The following PTPN5 variants were observed in gnomAD, a reference collection of about 807,000 sequenced individuals.
PTPN5 encodes tyrosine-protein phosphatase non-receptor type 5.
A neutral mutation model predicts 73.9 loss-of-function variants in PTPN5; 29 were observed. The observed-to-expected ratio is 0.39, with a 90% CI of 0.29 to 0.54. The LOEUF (loss-of-function observed/expected upper bound fraction) is 0.54. Ranked by LOEUF, PTPN5 falls within the 20% of genes least tolerant of loss-of-function variation. The probability of loss-of-function intolerance (pLI) is 0.65; values close to 1 mark genes in which losing one functional copy is unlikely to be tolerated. For synonymous variants in PTPN5, 267 were observed against 304.7 expected (o/e 0.88, Z 1.29); for missense variants, 652 against 751.4 (o/e 0.87, Z 1.55).
chr11:18,780,473 C>T lies in PTPN5; in HGVS notation c.-113-8402G>A, dbSNP rs147017689. ...CCAGCTTCTCATCAGGGCCCCTGCC[C>T]CCCGCCTAATTTAACCCTTCTGCAC... On this transcript the variant is annotated intron_variant, in intron 1 of 14. Transcript: ENST00000358540. 6.7e-3 allele frequency among the ~76,000 whole-genome samples: 1,020 copies of T among 152,240 alleles called. 9 individuals carry two copies. The highest frequency in any genetic ancestry group is 0.014 in the Middle Eastern group (4 of 294).
intron 3 of PTPN5, among the ~76,000 whole-genome samples, chr11:18,756,259 T>C (rs986143399): frequency 1.3e-5 from 2 of 151,612 alleles, no homozygotes; most frequent in Non-Finnish European, 2.9e-5. Flanking sequence ...GTTCCCTCTT[T>C]GCTGATAACT....
At chr11:18,741,650 A>G (rs901257299) in intron 7 of PTPN5, among the ~76,000 whole-genome samples, 8 of 152,098 alleles carry the variant, frequency 5.3e-5, no homozygotes, top group Non-Finnish European at 1.0e-4. Flanking sequence ...CTACCCTATA[A>G]AAACAGGTTC....
chr11:18,778,765 A>C (rs528014183), intron 1 of PTPN5, among the ~76,000 whole-genome samples: 2 of 152,224 alleles, frequency 1.3e-5, no homozygotes, highest in East Asian at 3.9e-4. Context: ...TTCTTTATAA[A>C]TTACTCAGTC....
intron 1 of PTPN5, among the ~76,000 whole-genome samples, chr11:18,784,863 T>C (rs1851598135): frequency 6.6e-6 from 1 of 151,768 alleles, no homozygotes; most frequent in Non-Finnish European, 1.5e-5. Flanking sequence ...TTTTTCTTTT[T>C]TTCTTTTTGA....
At chr11:18,749,494 G>GGGGGGGGGGGGTGGGGGC (rs756336602) in intron 3 of PTPN5, 119 of 511,580 alleles carry the variant, frequency 2.3e-4, no homozygotes, top group African/African-American at 2.8e-4. Context: ...AGGGTGGGGG[G>GGGGGGGGGGGGTGGGGGC]CAGAACCTTG....
chr11:18,786,140 C>T (rs924788269), intron 1 of PTPN5, among the ~76,000 whole-genome samples: 1 of 152,036 alleles, frequency 6.6e-6, no homozygotes, highest in African/African-American at 2.4e-5. Context: ...CCATGATGCT[C>T]GTTCCACATC....
chr11:18,761,819 G>A lies in PTPN5; in HGVS notation c.97+3988C>T, dbSNP rs537570107. On this transcript the variant is annotated intron_variant, in intron 3 of 14. Coordinates refer to ENST00000358540, the MANE Select transcript of PTPN5 (RefSeq NM_006906.2). ...CCAGGAAGCATGCAGAGTGGAAGCC[G>A]CGGGATGGAGGGATGGAGCTGAGAG... Among the ~76,000 whole-genome samples the A allele has an allele frequency of 2.0e-4, 30 of 152,308 alleles. 1 individual carries two copies. The highest frequency in any genetic ancestry group is 6.3e-4 in the African/African-American group (26 of 41,554).
At chr11:18,755,816 C>T (rs889905049) in intron 3 of PTPN5, among the ~76,000 whole-genome samples, 4 of 151,798 alleles carry the variant, frequency 2.6e-5, no homozygotes, top group Admixed American at 1.3e-4. Flanking sequence ...CCAGCCTGGC[C>T]AACATGGTGA....
intron 3 of PTPN5, among the ~76,000 whole-genome samples, chr11:18,745,435 G>A (rs886710995): frequency 6.6e-6 from 1 of 152,124 alleles, no homozygotes; most frequent in Non-Finnish European, 1.5e-5. Flanking sequence ...TTCCCAGCCG[G>A]GCCCATTTCA....
intron 3 of PTPN5, among the ~76,000 whole-genome samples, chr11:18,761,072 A>G (rs540544539): frequency 6.6e-6 from 1 of 152,282 alleles, no homozygotes; most frequent in Admixed American, 6.5e-5. Flanking sequence ...GCCTGCCCAC[A>G]TGCATGCACG....
rs200933411 is a variant in PTPN5, at chr11:18,744,131, T to C, written c.166A>G (p.Met56Val). 1.9e-6 allele frequency: 3 copies of C among 1,609,072 alleles called. No homozygotes were observed. Among genetic ancestry groups the C allele is most frequent in the Admixed American group, 3.4e-5 (2 of 59,134 alleles). Reference protein sequence around the residue: ...AEGLQDSQREMPPPPPPSPPS... With the variant: ...AEGLQDSQREVPPPPPPSPPS... ...GGCGAGGGAGGAGGGGGTGGCGGCA[T>C]CTCTCTCTGTGAGTCCTGGAGCCCT... The change falls in exon 4 of 15, where the codon ATG (methionine) becomes GTG (valine). Residue 56 changes from methionine to valine, a missense_variant. By Grantham distance (21) the Met-to-Val change is conservative. This residue lies in a region of PTPN5 where 529 missense variants were observed against 573.9 expected (regional missense o/e 0.92). Transcript: ENST00000358540.
chr11:18,735,334 G>A lies in PTPN5; in HGVS notation c.1001-1699C>T, dbSNP rs552268839. On this transcript the variant is annotated intron_variant, in intron 9 of 14. Coordinates refer to ENST00000358540, the MANE Select transcript of PTPN5 (RefSeq NM_006906.2). ...GGGATGGAGAGGAGACAGGGTAAAC[G>A]GGAGGGGGGCTTTTGGGGGACCTGC... 9.2e-5 allele frequency among the ~76,000 whole-genome samples: 14 copies of A among 152,008 alleles called. No homozygotes were observed. In the South Asian group the frequency reaches 2.3e-3, roughly 25 times the overall value.
At chr11:18,746,810 T>TA (rs1849664888) in intron 3 of PTPN5, among the ~76,000 whole-genome samples, 1 of 152,160 alleles carries the variant, frequency 6.6e-6, no homozygotes, top group Non-Finnish European at 1.5e-5. Flanking sequence ...AAGCTACTGC[T>TA]AAAAGAAGGA....
At chr11:18,773,744 G>A (rs1292043211) in intron 1 of PTPN5, among the ~76,000 whole-genome samples, 1 of 152,168 alleles carries the variant, frequency 6.6e-6, no homozygotes, top group Non-Finnish European at 1.5e-5. Context: ...AAATCAACCA[G>A]TTCTAAGAAT....
chr11:18,770,318 C>T (rs1242235854), intron 2 of PTPN5, among the ~76,000 whole-genome samples: 2 of 152,208 alleles, frequency 1.3e-5, no homozygotes, highest in Non-Finnish European at 2.9e-5. Context: ...TCCCCACAGC[C>T]CCTGGCAACG....
chr11:18,772,215 A>G, intron 1 of PTPN5, 144 bp from the exon 2 acceptor site: 1 of 525,554 alleles, frequency 1.9e-6, no homozygotes. Context: ...GCCTCTTGCT[A>G]CACAGACAGC....
chr11:18,729,930 G>C lies in PTPN5; in HGVS notation c.1330-112C>G. ...AGGAAGAACACAGGAAGAACACTGAGAGTGGGACCCCTTCACCCTTCCATC... is the reference window on the plus strand; with the variant it reads ...AGGAAGAACACAGGAAGAACACTGACAGTGGGACCCCTTCACCCTTCCATC... On this transcript the variant is annotated intron_variant, in intron 12 of 14. Coordinates refer to ENST00000358540, the MANE Select transcript of PTPN5 (RefSeq NM_006906.2). This position sits in a 1 kb window ranked among gnomAD's most constrained non-coding sequence, Gnocchi z 5.2. The C allele has an allele frequency of 7.2e-7, 1 of 1,384,098 alleles. No individual in the cohort carries two copies. The highest frequency in any genetic ancestry group is 1.2e-5 in the South Asian group (1 of 83,500). 85.7% of individuals were successfully genotyped at this position (1,384,098 alleles called of 1,614,324 possible).
chr11:18,743,884 A>C, intron 4 of PTPN5, 122 bp downstream of exon 4: 1 of 1,169,904 alleles, frequency 8.5e-7, no homozygotes, highest in Non-Finnish European at 1.2e-6. Context: ...GGAGCTCCTG[A>C]GGAACACCAG....
rs1180971578 is a variant in PTPN5 at position 18,771,164 on chromosome 11, C to T, written c.20+775G>A. ...AGCCCAGGCAGACATGCCCTCTATC[C>T]TGGGCTTTGTGCTCCTGGTACCCCG... On this transcript the variant is annotated intron_variant, in intron 2 of 14. Transcript: ENST00000358540. 2.0e-5 allele frequency among the ~76,000 whole-genome samples: 3 copies of T among 152,148 alleles called. No individual in the cohort carries two copies. The East Asian group carries it at 5.8e-4, about 29-fold the overall frequency.
Sources: allele counts gnomAD v4.1 joint callset (sites outside exome capture counted in the v4.1 genomes callset), GRCh38; gene constraint gnomAD v4.1.1; regional missense constraint gnomAD v4.1.1; non-coding constraint Gnocchi (gnomAD v3.1); transcripts MANE v1.5; gene names NCBI Gene and HGNC (gene_info 2026-07-23, HGNC 2026-07-21).